Variants in TRIP4 observed in about 807,000 individuals in gnomAD.
The protein encoded by TRIP4 is activating signal cointegrator 1.
Under a neutral mutation model 81.8 loss-of-function variants are expected in TRIP4, and 54 were observed. The ratio of observed to expected loss-of-function variants is 0.66; its 90% CI spans 0.53 to 0.83. The LOEUF is 0.83. Ranked by LOEUF, TRIP4 falls within the 40% of genes least tolerant of loss-of-function variation. TRIP4 has a pLI of 0.00. For synonymous variants in TRIP4, 270 were observed against 242.8 expected (o/e 1.11, Z -1.04); for missense variants, 662 against 683.6 (o/e 0.97, Z 0.35).
chr15:64,421,460 C>G (rs373266892), intron 9 of TRIP4, among the ~76,000 whole-genome samples: 1 of 151,094 alleles, frequency 6.6e-6, no homozygotes, highest in Non-Finnish European at 1.5e-5. Context: ...CTCAGCCTCT[C>G]GAGTAGCTGG....
chr15:64,441,738 A>G (rs1251876643), intron 11 of TRIP4, among the ~76,000 whole-genome samples: 1 of 151,914 alleles, frequency 6.6e-6, no homozygotes, highest in Non-Finnish European at 1.5e-5. Context: ...GCCCCACTGC[A>G]CTCCAGCCTG....
At chr15:64,426,957 G>A (rs1465812846) in intron 11 of TRIP4, among the ~76,000 whole-genome samples, 2 of 151,952 alleles carry the variant, frequency 1.3e-5, no homozygotes, top group Non-Finnish European at 2.9e-5. Flanking sequence ...CCGAGATCAT[G>A]CCACTGCGCT....
chr15:64,451,465 CTTTTTT>C (rs145401592), intron 12 of TRIP4, among the ~76,000 whole-genome samples: 1 of 64,690 alleles, frequency 1.5e-5, no homozygotes, highest in Non-Finnish European at 2.7e-5. Flanking sequence ...CAAATCTGAT[CTTTTTT>C]TTTTTTTTTT....
intron 1 of TRIP4, among the ~76,000 whole-genome samples, chr15:64,389,316 A>C (rs763203681): frequency 6.6e-6 from 1 of 152,308 alleles, no homozygotes; most frequent in East Asian, 1.9e-4. Context: ...GCAAGGAGAC[A>C]GTTCAAGTAG....
chr15:64,415,558 TTACTC>T (rs919467944), intron 8 of TRIP4, among the ~76,000 whole-genome samples: 8 of 152,210 alleles, frequency 5.3e-5, no homozygotes, highest in African/African-American at 1.7e-4. Flanking sequence ...TTGTAGCTCA[TTACTC>T]TAATCTCTGC....
At chr15:64,426,817 G>C (rs956910627) in intron 11 of TRIP4, among the ~76,000 whole-genome samples, 1 of 151,614 alleles carries the variant, frequency 6.6e-6, no homozygotes, top group Non-Finnish European at 1.5e-5. Context: ...TGGCTAACAC[G>C]GTCAAACCCC....
chr15:64,407,336 A>G (rs1176776779), intron 6 of TRIP4, among the ~76,000 whole-genome samples: 2 of 152,182 alleles, frequency 1.3e-5, no homozygotes, highest in Middle Eastern at 3.2e-3. Flanking sequence ...TCCTTTCAGT[A>G]TCACATTTCA....
chr15:64,431,690 C>T (rs1892273843), intron 11 of TRIP4, among the ~76,000 whole-genome samples: 1 of 150,084 alleles, frequency 6.7e-6, no homozygotes, highest in African/African-American at 2.5e-5. Context: ...TGGGCAACAG[C>T]GTGAGACTCC....
intron 7 of TRIP4, among the ~76,000 whole-genome samples, chr15:64,410,706 A>G (rs1188899772): frequency 6.6e-6 from 1 of 152,172 alleles, no homozygotes; most frequent in Non-Finnish European, 1.5e-5. Context: ...GCAAGATACA[A>G]AATCCTGAAG....
intron 12 of TRIP4, among the ~76,000 whole-genome samples, chr15:64,454,621 A>C (rs1291384332): frequency 6.6e-6 from 1 of 152,152 alleles, no homozygotes; most frequent in African/African-American, 2.4e-5. Flanking sequence ...CAGCCAGTTA[A>C]CAGGTCACAG....
intron 9 of TRIP4, among the ~76,000 whole-genome samples, chr15:64,419,308 T>G (rs775021553): frequency 3.9e-5 from 6 of 152,202 alleles, no homozygotes; most frequent in Non-Finnish European, 7.3e-5. Context: ...TTACTGATAA[T>G]AATATTTAAT....
At chr15:64,438,375 A>C (rs1256436842) in intron 11 of TRIP4, among the ~76,000 whole-genome samples, 1 of 152,194 alleles carries the variant, frequency 6.6e-6, no homozygotes, top group Admixed American at 6.5e-5. Flanking sequence ...GCTGGAGTGC[A>C]ATGGCACGAT....
At chr15:64,439,512 CTTTTTTTT>C (rs71895300) in intron 11 of TRIP4, among the ~76,000 whole-genome samples, 5 of 47,928 alleles carry the variant, frequency 1.0e-4, no homozygotes, top group African/African-American at 4.0e-4. Context: ...ACTTATAAAT[CTTTTTTTT>C]TTTTTTTTTT....
At chr15:64,425,710 G>C in intron 11 of TRIP4, 79 bp downstream of exon 11, 1 of 1,127,326 alleles carries the variant, frequency 8.9e-7, no homozygotes, top group Non-Finnish European at 1.3e-6. Flanking sequence ...CACTTTAAGA[G>C]GCTGGGCCTC....
intron 11 of TRIP4, among the ~76,000 whole-genome samples, chr15:64,436,556 A>G (rs932439304): frequency 6.6e-6 from 1 of 151,880 alleles, no homozygotes. Flanking sequence ...GCGCTACTGC[A>G]CTGTAGCCTG....
rs754251723 is a variant in TRIP4 at position 64,445,119 on chromosome 15, AT to A, written c.1678+19del. ...GAAATCCAAAAATCTGTAAGTCATG[AT>A]TTTTTTTCTTTAAGACTAGTCAAGT... is the stretch of plus-strand genomic sequence containing the variant. On this transcript the variant is annotated intron_variant, in intron 12 of 12. Coordinates refer to ENST00000261884, the MANE Select transcript of TRIP4 (RefSeq NM_016213.5). 62 of 1,521,090 alleles carry A rather than the reference AT, an allele frequency of 4.1e-5. No homozygotes were observed. Among genetic ancestry groups the A allele is most frequent in the Middle Eastern group, 1.8e-4 (1 of 5,682 alleles). 94.2% of individuals were successfully genotyped at this position (1,521,090 alleles called of 1,614,324 possible).
intron 11 of TRIP4, among the ~76,000 whole-genome samples, chr15:64,428,429 G>T (rs1359938337): frequency 6.6e-5 from 10 of 152,156 alleles, no homozygotes. Context: ...GCTTTGAACA[G>T]CATGTAGAAG....
At chr15:64,423,296 C>G (rs1453264164) in intron 9 of TRIP4, among the ~76,000 whole-genome samples, 1 of 151,898 alleles carries the variant, frequency 6.6e-6, no homozygotes, top group Admixed American at 6.6e-5. Flanking sequence ...AACCCCATCT[C>G]TACTAAAAAT....
rs936217156 is a variant in TRIP4, at chr15:64,389,768, G to A, written c.101+1804G>A. Among the ~76,000 whole-genome samples, 5 of 144,050 alleles carry A rather than the reference G, an allele frequency of 3.5e-5. No homozygotes were observed. In the East Asian group the frequency reaches 8.1e-4, roughly 23 times the overall value. The allele number at this position is 144,050 out of a possible 152,430, so 94.5% of individuals were successfully genotyped here. A position where few individuals can be genotyped will look rare whatever the true frequency, so the allele number is the denominator to read the frequency against. On this transcript the variant is annotated intron_variant, in intron 1 of 12. Coordinates refer to ENST00000261884, the MANE Select transcript of TRIP4 (RefSeq NM_016213.5). ...TGCCCAGGCTGGAGTGCAGTGGTGC[G>A]ATCTCAGCTCGCTGCAACCTCCGCC...
Sources: allele counts gnomAD v4.1 joint callset (sites outside exome capture counted in the v4.1 genomes callset), GRCh38; gene constraint gnomAD v4.1.1; transcripts MANE v1.5; gene names NCBI Gene and HGNC (gene_info 2026-07-23, HGNC 2026-07-21).